JAK2: variants seen among roughly 807,000 people sequenced by gnomAD.
JAK2 encodes the protein Janus kinase 2, also known as tyrosine-protein kinase JAK2.
In JAK2, 86 loss-of-function variants were observed where a neutral mutation model predicts 139.3. The observed-to-expected ratio is 0.62, with a 90% CI of 0.52 to 0.74. The LOEUF (loss-of-function observed/expected upper bound fraction) is 0.74, where lower values mean the gene tolerates loss of function less well. Ranked by LOEUF, JAK2 falls within the 30% of genes least tolerant of loss-of-function variation. The pLI, the probability that JAK2 is intolerant of heterozygous loss-of-function variation, is 0.00. For synonymous variants in JAK2, 490 were observed against 437.7 expected, an observed-to-expected ratio of 1.12 and a Z score of -1.49; for missense variants, 1,421 against 1,360.3, an observed-to-expected ratio of 1.04 and a Z score of -0.70.
At position 5,029,889 on chromosome 9, in the gene JAK2, T is replaced by G. The variant is rs1337737334; in HGVS notation, c.333T>G (p.Asn111Lys). 6.2e-7 allele frequency: 1 copy of G among 1,610,024 alleles called. No individual in the cohort carries two copies. Among genetic ancestry groups the G allele is most frequent in the East Asian group, 2.2e-5 (1 of 44,706 alleles). Residue 111 changes from asparagine (N) to lysine (K), a missense_variant, in exon 4 of 25, where the codon AAT becomes AAG. Asn to Lys is a moderately conservative substitution (Grantham distance 94). Coordinates refer to ENST00000381652, the MANE Select transcript of JAK2 (RefSeq NM_004972.4). ...VFHIDESTRH[N>K]VLYRIRFYFP... ...ATATAGATGAGTCAACCAGGCATAATGTACTCTACAGAATAAGGTACTTTC... is the reference window on the plus strand; with the variant it reads ...ATATAGATGAGTCAACCAGGCATAAGGTACTCTACAGAATAAGGTACTTTC...
intron 2 of JAK2, among the ~76,000 whole-genome samples, chr9:4,987,808 A>T (rs151215601): frequency 7.2e-5 from 11 of 152,066 alleles, no homozygotes; most frequent in African/African-American, 2.7e-4. Flanking sequence ...TTCTTATAAG[A>T]TTGTTGTGAG....
chr9:5,091,996 G>A (rs76371507), intron 22 of JAK2, among the ~76,000 whole-genome samples: 441 of 152,170 alleles, frequency 2.9e-3, no homozygotes, highest in African/African-American at 0.01. Flanking sequence ...AGATACTGCC[G>A]ATTGCTAGGT....
chr9:5,006,619 T>A (rs1184767717), intron 2 of JAK2, among the ~76,000 whole-genome samples: 1 of 152,146 alleles, frequency 6.6e-6, no homozygotes, highest in Non-Finnish European at 1.5e-5. Flanking sequence ...AAGTACATCT[T>A]CATACAGCAA....
chr9:5,114,041 G>T (rs1822905065), intron 22 of JAK2: 1 of 319,258 alleles, frequency 3.1e-6, no homozygotes, highest in East Asian at 8.1e-5. Context: ...CCATACTGGA[G>T]GATGAGCTGG....
At chr9:5,050,915 C>G in intron 6 of JAK2, 84 bp downstream of exon 6, 1 of 1,215,628 alleles carries the variant, frequency 8.2e-7, no homozygotes. Context: ...TTTACCCATG[C>G]CTTTTGATTT....
chr9:4,998,639 A>G (rs2225125), intron 2 of JAK2, among the ~76,000 whole-genome samples: 37,644 of 151,776 alleles, frequency 0.25, 4,913 homozygotes, highest in South Asian at 0.32. Context: ...GTGAATTATA[A>G]ATCTGGCTTT....
At chr9:5,075,516 T>A (rs567418133) in intron 14 of JAK2, among the ~76,000 whole-genome samples, 5 of 152,336 alleles carry the variant, frequency 3.3e-5, no homozygotes, top group African/African-American at 4.8e-5. Flanking sequence ...ACTCTGCCTG[T>A]GCTCTATACA....
intron 22 of JAK2, among the ~76,000 whole-genome samples, chr9:5,113,036 A>C (rs986012362): frequency 9.9e-5 from 15 of 152,036 alleles, no homozygotes; most frequent in Non-Finnish European, 1.9e-4. Context: ...GGGGTGAGGA[A>C]GGTGACGCTG....
At chr9:4,998,982 C>T (rs771351736) in intron 2 of JAK2, among the ~76,000 whole-genome samples, 22 of 150,846 alleles carry the variant, frequency 1.5e-4, no homozygotes, top group Non-Finnish European at 2.1e-4. Context: ...CCACCACGCC[C>T]GGCTATTTTT....
At chr9:5,055,295 G>C (rs888432930) in intron 7 of JAK2, among the ~76,000 whole-genome samples, 2 of 152,064 alleles carry the variant, frequency 1.3e-5, no homozygotes, top group Non-Finnish European at 2.9e-5. Flanking sequence ...TGCAAGTTTT[G>C]AATTTGTTAA....
At position 5,055,718 on chromosome 9, in the gene JAK2, A is replaced by C; in HGVS notation, c.986A>C (p.Lys329Thr). The change falls in exon 8 of 25, where the codon AAG becomes ACG. Residue 329 changes from lysine to threonine, a missense_variant. Coordinates refer to ENST00000381652, the MANE Select transcript of JAK2 (RefSeq NM_004972.4). ...CCTAATATTATTGATGTCAGTATTA[A>C]GCAAGCAAACCAAGAGGGTTCAAAT... is the stretch of plus-strand genomic sequence containing the variant. The part of the protein sequence containing the change: ...DFPNIIDVSI[K>T]QANQEGSNES... The C allele has an allele frequency of 1.9e-6, 3 of 1,601,806 alleles. No individual in the cohort carries two copies. Among genetic ancestry groups the C allele is most frequent in the Middle Eastern group, 1.7e-4 (1 of 6,016 alleles).
chr9:4,984,530 G>GCCT (rs1563903358), upstream of JAK2: 5 of 152,216 alleles, frequency 3.3e-5, no homozygotes, highest in African/African-American at 1.2e-4. Flanking sequence ...GGTGGCTGAT[G>GCCT]GGAGTCAGGC....
At chr9:5,007,275 C>T (rs562407130) in intron 2 of JAK2, among the ~76,000 whole-genome samples, 27 of 151,962 alleles carry the variant, frequency 1.8e-4, no homozygotes, top group Non-Finnish European at 2.9e-4. Flanking sequence ...ACTTTTACTG[C>T]GTTTTACTCA....
Position 5,078,437 on chromosome 9 carries a change from A to T in JAK2, c.2124A>T (p.Pro708=), listed in dbSNP as rs2130591867. 1.2e-6 allele frequency: 2 copies of T among 1,612,066 alleles called. No homozygotes were observed. Among genetic ancestry groups the T allele is most frequent in the Non-Finnish European group, 1.7e-6 (2 of 1,178,714 alleles). ...SDPGISITVL[P]KDILQERIPW... ...CTGGCATTAGTATTACAGTTTTGCC[A>T]AAGGACAGTAAGTTCTAGAAGGATT... is the stretch of plus-strand genomic sequence containing the variant. The change falls in exon 16 of 25, where the codon CCA becomes CCT. Residue 708 remains proline, a synonymous_variant. Transcript: ENST00000381652.
Position 5,090,536 on chromosome 9 carries a change from T to C in JAK2, c.2852T>C (p.Ile951Thr), listed in dbSNP as rs577992117. ...AAACATAAAGAACGGATAGATCACA[T>C]AAAACTTCTGCAGTACACATCTCAG... Reference protein sequence around the residue: ...LQKHKERIDHIKLLQYTSQIC... With the variant: ...LQKHKERIDHTKLLQYTSQIC... Residue 951 changes from isoleucine to threonine, a missense_variant, in exon 21 of 25, where the codon ATA becomes ACA. Transcript: ENST00000381652. 27 of 1,598,216 alleles carry C rather than the reference T, an allele frequency of 1.7e-5. No homozygotes were observed. The highest frequency in any genetic ancestry group is 1.4e-4 in the Admixed American group (8 of 58,098).
intron 19 of JAK2, chr9:5,085,851 T>C: frequency 3.9e-6 from 3 of 767,634 alleles, no homozygotes; most frequent in Non-Finnish European, 7.3e-6. Context: ...ATCAAAGTAG[T>C]ACTCAGAGAT....
At chr9:4,993,887 C>T (rs1320611846) in intron 2 of JAK2, among the ~76,000 whole-genome samples, 1 of 152,190 alleles carries the variant, frequency 6.6e-6, no homozygotes, top group Non-Finnish European at 1.5e-5. Context: ...CCAATTTCCT[C>T]CCACATTCCA....
chr9:5,052,215 A>C (rs1043585852), intron 6 of JAK2, among the ~76,000 whole-genome samples: 4 of 152,130 alleles, frequency 2.6e-5, no homozygotes, highest in Admixed American at 1.3e-4. Context: ...GCTGTCATCC[A>C]AAGTCTTGGC....
At chr9:5,024,009 C>A (rs1375811513) in intron 3 of JAK2, among the ~76,000 whole-genome samples, 1 of 152,088 alleles carries the variant, frequency 6.6e-6, no homozygotes, top group Non-Finnish European at 1.5e-5. Flanking sequence ...GTAATCCCAG[C>A]ACTTTGGGAG....
Sources: allele counts gnomAD v4.1 joint callset (sites outside exome capture counted in the v4.1 genomes callset), GRCh38; gene constraint gnomAD v4.1.1; transcripts MANE v1.5; gene names NCBI Gene and HGNC (gene_info 2026-07-23, HGNC 2026-07-21).